The following CPNE4 variants were observed in gnomAD, a reference collection of about 807,000 sequenced individuals.
CPNE4 encodes copine-4.
CPNE4 carries 25 observed loss-of-function variants against 67.9 expected under a neutral mutation model. The ratio of observed to expected loss-of-function variants is 0.37; its 90% CI spans 0.27 to 0.51. The LOEUF is 0.51. CPNE4 is among the 20% of genes least tolerant of loss of function. The pLI is 0.93. For synonymous variants in CPNE4, 242 were observed against 244.9 expected (o/e 0.99, Z 0.11); for missense variants, 464 against 690.8 (o/e 0.67, Z 3.68).
intron 7 of CPNE4, among the ~76,000 whole-genome samples, chr3:131,656,920 G>T (rs971910964): frequency 6.6e-6 from 1 of 152,116 alleles, no homozygotes; most frequent in East Asian, 1.9e-4. Flanking sequence ...GGAATTTCAG[G>T]CATATATCAG....
intron 3 of CPNE4, among the ~76,000 whole-genome samples, chr3:131,722,200 ACT>A (rs1273028757): frequency 6.6e-6 from 1 of 152,014 alleles, no homozygotes; most frequent in Non-Finnish European, 1.5e-5. Context: ...TGTCAGGTAG[ACT>A]CTTCCTGACA....
rs144255578 is a variant in CPNE4 at position 131,816,530 on chromosome 3, T to A, written c.180+88734A>T. 1.1e-3 allele frequency among the ~76,000 whole-genome samples: 170 copies of A among 152,288 alleles called. 1 individual carries two copies. The highest frequency in any genetic ancestry group is 1.8e-3 in the Non-Finnish European group (125 of 68,032). ...CAGATGAAAACTGCAGTTTTCTGAG[T>A]TAGATTCGAATCCCCACCACTTTTA... On this transcript the variant is annotated intron_variant, in intron 2 of 15. Coordinates refer to ENST00000429747, the MANE Select transcript of CPNE4 (RefSeq NM_130808.3).
intron 7 of CPNE4, among the ~76,000 whole-genome samples, chr3:131,633,598 A>G (rs2079293621): frequency 7.6e-6 from 1 of 132,288 alleles, no homozygotes; most frequent in Non-Finnish European, 1.5e-5. Context: ...ATTAATAATA[A>G]TGGAAACAAA....
intron 2 of CPNE4, among the ~76,000 whole-genome samples, chr3:131,786,154 A>G (rs1447059275): frequency 6.6e-6 from 1 of 152,134 alleles, no homozygotes. Context: ...CTGGTCATCA[A>G]TAGCTTCTGC....
chr3:132,035,314 G>GT (rs2074322012), upstream of CPNE4: 2 of 152,574 alleles, frequency 1.3e-5, no homozygotes, highest in East Asian at 3.9e-4. Flanking sequence ...GGGAATGGGA[G>GT]TTACACTTTT....
At chr3:131,769,596 C>CAAGT (rs1212206418) in intron 2 of CPNE4, among the ~76,000 whole-genome samples, 1 of 152,154 alleles carries the variant, frequency 6.6e-6, no homozygotes, top group Non-Finnish European at 1.5e-5. Context: ...CTACCTTCAA[C>CAAGT]AAGTGGTGAT....
At chr3:131,882,958 C>T (rs2087737901) in intron 2 of CPNE4, among the ~76,000 whole-genome samples, 1 of 152,054 alleles carries the variant, frequency 6.6e-6, no homozygotes, top group Non-Finnish European at 1.5e-5. Flanking sequence ...ACCTCATGAT[C>T]CGTCTGACTC....
At chr3:131,645,756 T>A (rs901248960) in intron 7 of CPNE4, among the ~76,000 whole-genome samples, 1 of 152,172 alleles carries the variant, frequency 6.6e-6, no homozygotes, top group African/African-American at 2.4e-5. Context: ...CTTAAAGGGA[T>A]CCAAAGTCCT....
At chr3:131,562,180 C>G (rs949262541) in intron 11 of CPNE4, among the ~76,000 whole-genome samples, 13 of 151,936 alleles carry the variant, frequency 8.6e-5, no homozygotes, top group African/African-American at 2.9e-4. Context: ...ACAAAAAATG[C>G]TCCCCAGACT....
At chr3:131,599,956 G>A (rs1402248708) in intron 7 of CPNE4, among the ~76,000 whole-genome samples, 1 of 152,148 alleles carries the variant, frequency 6.6e-6, no homozygotes. Flanking sequence ...CATGGGTCAA[G>A]AGAACAGAGG....
chr3:131,654,590 AC>A (rs2079901890), intron 7 of CPNE4, among the ~76,000 whole-genome samples: 1 of 152,154 alleles, frequency 6.6e-6, no homozygotes, highest in Non-Finnish European at 1.5e-5. Flanking sequence ...AAGCATTCCT[AC>A]TTGTGCACTG....
intron 2 of CPNE4, among the ~76,000 whole-genome samples, chr3:131,872,226 G>GGA (rs1401672023): frequency 1.3e-5 from 2 of 151,748 alleles, no homozygotes; most frequent in South Asian, 4.2e-4. Context: ...AGAGAAAGAA[G>GGA]GAGAGAGAGA....
intron 1 of CPNE4, among the ~76,000 whole-genome samples, chr3:131,921,449 C>T (rs1288263989): frequency 6.6e-6 from 1 of 152,172 alleles, no homozygotes; most frequent in African/African-American, 2.4e-5. Flanking sequence ...CCATGAGGAG[C>T]TCTGAAATAA....
chr3:131,620,930 C>T (rs1940428252), intron 7 of CPNE4, among the ~76,000 whole-genome samples: 1 of 152,154 alleles, frequency 6.6e-6, no homozygotes, highest in African/African-American at 2.4e-5. Flanking sequence ...TTGCTTTAAG[C>T]CACCAATTTT....
chr3:131,570,472 T>C (rs1401652895), intron 10 of CPNE4, among the ~76,000 whole-genome samples: 2 of 152,090 alleles, frequency 1.3e-5, no homozygotes, highest in Admixed American at 1.3e-4. Context: ...ATCTCCCCCA[T>C]TTTTTCTTTT....
At chr3:131,856,459 GTGAA>G (rs1165584532) in intron 2 of CPNE4, among the ~76,000 whole-genome samples, 1 of 151,916 alleles carries the variant, frequency 6.6e-6, no homozygotes, top group African/African-American at 2.4e-5. Context: ...AGGCGTCACT[GTGAA>G]TGAGCCAGGA....
chr3:131,591,151 G>T (rs1248427817), intron 7 of CPNE4, among the ~76,000 whole-genome samples: 2 of 152,154 alleles, frequency 1.3e-5, no homozygotes, highest in South Asian at 2.1e-4. Context: ...AAGAAATCTT[G>T]CTGGGCTTAG....
At chr3:131,713,974 T>C (rs1026956890) in intron 3 of CPNE4, among the ~76,000 whole-genome samples, 11 of 152,066 alleles carry the variant, frequency 7.2e-5, no homozygotes, top group African/African-American at 2.2e-4. Flanking sequence ...ACTTATGACA[T>C]CATTCATCAC....
chr3:132,022,262 T>TA (rs1429657443), intron 1 of CPNE4, among the ~76,000 whole-genome samples: 9 of 152,202 alleles, frequency 5.9e-5, no homozygotes, highest in Non-Finnish European at 1.0e-4. Context: ...AAGGAGTTCT[T>TA]AAAAGCAGCC....
Sources: gnomAD v4.1 joint callset for allele counts (sites outside exome capture counted in the v4.1 genomes callset) on GRCh38, gnomAD v4.1.1 for gene constraint, MANE v1.5 for transcripts, NCBI Gene and HGNC (gene_info 2026-07-23, HGNC 2026-07-21) for gene names.